TRDMT1: variants seen among roughly 807,000 people sequenced by gnomAD.
TRDMT1 encodes tRNA aspartic acid methyltransferase 1.
Under a neutral mutation model 51.2 loss-of-function variants are expected in TRDMT1, and 49 were observed. That is an observed-to-expected ratio of 0.96 (90% CI 0.76 to 1.21). The LOEUF (loss-of-function observed/expected upper bound fraction) is 1.21. Ranked by LOEUF, TRDMT1 falls within the 50% of genes most tolerant of loss-of-function variation. TRDMT1 has a pLI of 0.00. For missense variants in TRDMT1, 534 were observed against 462.3 expected (o/e 1.16, Z -1.42); for synonymous variants, 187 against 164.6 (o/e 1.14, Z -1.04).
Position 17,148,659 on chromosome 10 carries a change from A to C in TRDMT1, c.*381T>G. The C allele has an allele frequency of 1.0e-6, 1 of 968,584 alleles. No homozygotes were observed. The highest frequency in any genetic ancestry group is 1.2e-6 in the Non-Finnish European group (1 of 815,840). 60.0% of individuals were successfully genotyped at this position (968,584 alleles called of 1,614,324 possible). ...AATCATTATTTTAAAATTAGAAATAAAAAACTTCTTTAATTAACATAAAAA... is the reference window on the plus strand; with the variant it reads ...AATCATTATTTTAAAATTAGAAATACAAAACTTCTTTAATTAACATAAAAA... On this transcript the variant is annotated 3_prime_UTR_variant, in exon 11 of 11. Coordinates refer to ENST00000377799, the MANE Select transcript of TRDMT1 (RefSeq NM_004412.7).
At chr10:17,198,419 G>T (rs998048389) in intron 1 of TRDMT1, among the ~76,000 whole-genome samples, 32 of 152,182 alleles carry the variant, frequency 2.1e-4, no homozygotes, top group African/African-American at 7.7e-4. Flanking sequence ...ATCAACAGAT[G>T]AATGGATACA....
rs752579796 is a variant in TRDMT1, at chr10:17,160,358, T to C, written c.406A>G (p.Thr136Ala). 18 of 1,562,244 alleles carry C rather than the reference T, an allele frequency of 1.2e-5. No homozygotes were observed. The highest frequency in any genetic ancestry group is 2.3e-5 in the East Asian group (1 of 43,936). ...TACTGAAAGCCACAATTTTCTATTG[T>C]TTGTATCAAGAGGTCTCTAAAAAGA... The part of the protein sequence containing the change: ...VSSTRDLLIQ[T>A]IENCGFQYQE... The change falls in exon 6 of 11, where the codon ACA becomes GCA. Residue 136 changes from threonine to alanine, a missense_variant. Thr to Ala is a moderately conservative substitution (Grantham distance 58). Transcript: ENST00000377799.
Position 17,201,671 on chromosome 10 carries a change from C to T in TRDMT1, c.-37G>A, listed in dbSNP as rs1846216170. ...AGCCGCCGCAGCCCCGGAGCTAGGC[C>T]TGCCGGTCCGTCGCTCCTCCTCCCT... On this transcript the variant is annotated 5_prime_UTR_variant, in exon 1 of 11. Transcript: ENST00000377799. 6 of 1,530,408 alleles carry T rather than the reference C, an allele frequency of 3.9e-6. No individual in the cohort carries two copies. Among genetic ancestry groups the T allele is most frequent in the South Asian group, 1.2e-5 (1 of 83,316 alleles). The allele number at this position is 1,530,408 out of a possible 1,614,324, so 94.8% of individuals were successfully genotyped here. A position where few individuals can be genotyped will look rare whatever the true frequency, so the allele number is the denominator to read the frequency against.
intron 1 of TRDMT1, 130 bp downstream of exon 1, chr10:17,201,441 A>AGGGCCGCCCCACAG (rs1846152012): frequency 1.1e-6 from 1 of 879,314 alleles, no homozygotes; most frequent in African/African-American, 2.1e-5. Context: ...AGGACAACCG[A>AGGGCCGCCCCACAG]GGGCCGCCCC....
intron 10 of TRDMT1, chr10:17,151,415 G>GGACA (rs1698207121): frequency 4.1e-6 from 4 of 978,624 alleles, no homozygotes; most frequent in Non-Finnish European, 4.9e-6. Flanking sequence ...CACAGAACCA[G>GGACA]GACAGAGGGT....
chr10:17,178,725 A>C (rs2131544287), intron 1 of TRDMT1, among the ~76,000 whole-genome samples: 1 of 152,158 alleles, frequency 6.6e-6, no homozygotes, highest in East Asian at 1.9e-4. Context: ...TTGCTGATAA[A>C]TTATTTCCAA....
chr10:17,146,221 C>A lies in TRDMT1; in HGVS notation c.*2819G>T, dbSNP rs1287572710. 4 of 985,444 alleles carry A rather than the reference C, an allele frequency of 4.1e-6. No homozygotes were observed. The highest frequency in any genetic ancestry group is 9.4e-5 in the South Asian group (2 of 21,286). The allele number at this position is 985,444 out of a possible 1,614,324, so 61.0% of individuals were successfully genotyped here. On this transcript the variant is annotated 3_prime_UTR_variant, in exon 11 of 11. Transcript: ENST00000377799. Reference sequence around the variant, plus strand: ...GGACCCTCACTGTTCACAATTTCAACTACTGTTTTTGCCTCTTTAGAAGGC... The same window carrying A: ...GGACCCTCACTGTTCACAATTTCAAATACTGTTTTTGCCTCTTTAGAAGGC...
Position 17,165,390 on chromosome 10 carries a change from A to C in TRDMT1, c.252-3153T>G, listed in dbSNP as rs545486002. On this transcript the variant is annotated intron_variant, in intron 3 of 10. Coordinates refer to ENST00000377799, the MANE Select transcript of TRDMT1 (RefSeq NM_004412.7). The stretch of plus-strand genomic sequence containing the variant: ...TAATTCAAGATGGATTAAAGACTTA[A>C]ATGTTAGACCTAAAACCATAAAACC... 1.8e-3 allele frequency among the ~76,000 whole-genome samples: 278 copies of C among 152,344 alleles called. 1 individual carries two copies. The highest frequency in any genetic ancestry group is 6.2e-3 in the African/African-American group (256 of 41,578).
intron 1 of TRDMT1, among the ~76,000 whole-genome samples, chr10:17,192,976 C>T (rs1301967839): frequency 1.3e-5 from 2 of 152,196 alleles, no homozygotes; most frequent in African/African-American, 2.4e-5. Context: ...TGGAAGCATT[C>T]CCCTTGCGAA....
At chr10:17,191,642 G>A (rs1378645419) in intron 1 of TRDMT1, among the ~76,000 whole-genome samples, 1 of 152,164 alleles carries the variant, frequency 6.6e-6, no homozygotes, top group African/African-American at 2.4e-5. Flanking sequence ...TGCTGTGGGA[G>A]ATGATGAGAT....
At chr10:17,161,243 C>T (rs999807338) in intron 5 of TRDMT1, among the ~76,000 whole-genome samples, 4 of 152,180 alleles carry the variant, frequency 2.6e-5, no homozygotes, top group East Asian at 3.8e-4. Context: ...TTACCAACCA[C>T]TTACTCTAGA....
chr10:17,194,719 G>A (rs1428355052), intron 1 of TRDMT1, among the ~76,000 whole-genome samples: 2 of 152,182 alleles, frequency 1.3e-5, no homozygotes, highest in Admixed American at 1.3e-4. Context: ...GATTGCTTGG[G>A]ATCAGGAGTT....
At chr10:17,155,169 ACG>A (rs1391824364) in intron 8 of TRDMT1, among the ~76,000 whole-genome samples, 1 of 152,118 alleles carries the variant, frequency 6.6e-6, no homozygotes, top group Admixed American at 6.5e-5. Context: ...AGCCAAGATC[ACG>A]CCACTGCACT....
Position 17,157,728 on chromosome 10 carries a change from A to G in TRDMT1, c.600T>C (p.Asp200=). Reference sequence around the variant, plus strand: ...TCTTTTCTTGAATTTTATTTTCTACATCCATTGCATATTTTTGTGGATGTA... The same window carrying G: ...TCTTTTCTTGAATTTTATTTTCTACGTCCATTGCATATTTTTGTGGATGTA... ...ESVHPQKYAM[D]VENKIQEKNV... is the part of the protein sequence containing the mutation. The change falls in exon 8 of 11, where the codon GAT becomes GAC. Residue 200 remains aspartate (D), a synonymous_variant. Coordinates refer to ENST00000377799, the MANE Select transcript of TRDMT1 (RefSeq NM_004412.7). The G allele has an allele frequency of 6.2e-7, 1 of 1,610,880 alleles. No homozygotes were observed. The highest frequency in any genetic ancestry group is 8.5e-7 in the Non-Finnish European group (1 of 1,179,208).
intron 1 of TRDMT1, among the ~76,000 whole-genome samples, chr10:17,194,658 C>T (rs1184369359): frequency 2.0e-5 from 3 of 151,892 alleles, no homozygotes; most frequent in Non-Finnish European, 2.9e-5. Flanking sequence ...AAAAGCTAGG[C>T]GTGATGGCTC....
rs1029216931 is a variant in TRDMT1 at position 17,138,812 on chromosome 10, C to A, written c.*10228G>T. On this transcript the variant is annotated 3_prime_UTR_variant, in exon 11 of 11. Transcript: ENST00000377799. Reference sequence around the variant, plus strand: ...TTCATAAACAATGAGAAAAAAATAACGAAATTCAAATCCAGAGGGACAAAC... The same window carrying A: ...TTCATAAACAATGAGAAAAAAATAAAGAAATTCAAATCCAGAGGGACAAAC... 1.3e-4 allele frequency among the ~76,000 whole-genome samples: 19 copies of A among 151,108 alleles called. No homozygotes were observed. Among genetic ancestry groups the A allele is most frequent in the African/African-American group, 4.6e-4 (19 of 41,014 alleles).
intron 3 of TRDMT1, among the ~76,000 whole-genome samples, chr10:17,163,541 T>C (rs960010950): frequency 3.3e-5 from 5 of 151,580 alleles, no homozygotes; most frequent in Non-Finnish European, 5.9e-5. Context: ...CTGAAGGAAA[T>C]AGAGACACAA....
intron 1 of TRDMT1, among the ~76,000 whole-genome samples, chr10:17,198,716 A>T (rs555372022): frequency 3.0e-4 from 46 of 152,346 alleles, no homozygotes; most frequent in African/African-American, 1.1e-3. Flanking sequence ...TTTAGAAATG[A>T]ACAAGGGTGA....
intron 1 of TRDMT1, among the ~76,000 whole-genome samples, chr10:17,186,620 T>C (rs1036058862): frequency 5.9e-5 from 9 of 152,178 alleles, no homozygotes; most frequent in Non-Finnish European, 2.9e-5. Context: ...AATTATAAGA[T>C]AATAAACCTG....
Sources: allele counts gnomAD v4.1 joint callset (sites outside exome capture counted in the v4.1 genomes callset), GRCh38; gene constraint gnomAD v4.1.1; transcripts MANE v1.5; gene names NCBI Gene and HGNC (gene_info 2026-07-23, HGNC 2026-07-21).